MEIOB: variants seen among roughly 807,000 people sequenced by gnomAD.
The protein encoded by MEIOB is meiosis-specific with OB domain-containing protein.
MEIOB carries 50 observed loss-of-function variants against 53.1 expected under a neutral mutation model. The ratio of observed to expected loss-of-function variants is 0.94; its 90% CI spans 0.75 to 1.19. The LOEUF is 1.19. Among genes scored for constraint, MEIOB ranks in the 50% most tolerant of loss-of-function variants. The probability of loss-of-function intolerance (pLI) is 0.00; values close to 1 mark genes in which losing one functional copy is unlikely to be tolerated. For synonymous variants in MEIOB, 192 were observed against 182.5 expected (o/e 1.05, Z -0.42); for missense variants, 551 against 550.8 (o/e 1.00, Z 0.00).
chr16:1,865,719 G>A (rs1378030520), intron 3 of MEIOB, 59 bp downstream of exon 3: 2 of 1,220,834 alleles, frequency 1.6e-6, no homozygotes, highest in East Asian at 2.6e-5. Context: ...AATATACTTT[G>A]TTGTAGTCAT....
chr16:1,853,165 T>C, intron 8 of MEIOB, 31 bp from the exon 9 acceptor site: 1 of 1,579,122 alleles, frequency 6.3e-7, no homozygotes. Context: ...TTAAAATTAT[T>C]ACATGGGAGG....
At chr16:1,857,956 T>C (rs1476256252) in intron 5 of MEIOB, 26 bp from the exon 6 acceptor site, 1 of 1,410,028 alleles carries the variant, frequency 7.1e-7, no homozygotes, top group East Asian at 2.5e-5. Context: ...ACAAGAAAGT[T>C]ATTTGAAAGT....
intron 11 of MEIOB, among the ~76,000 whole-genome samples, chr16:1,840,533 T>C (rs1399278718): frequency 8.4e-6 from 1 of 118,978 alleles, no homozygotes. Context: ...CCACAAGGGA[T>C]CTCTCTTATT....
In MEIOB at chr16:1,848,544, C is replaced by CTTTTTT. The variant is rs749481002; in HGVS notation, c.779-3587_779-3582dup. Among the ~76,000 whole-genome samples the CTTTTTT allele has an allele frequency of 1.7e-4, 22 of 129,714 alleles. 1 individual carries two copies. The highest frequency in any genetic ancestry group is 3.8e-4 in the African/African-American group (13 of 34,624). The allele number at this position is 129,714 out of a possible 152,430, so 85.1% of individuals were successfully genotyped here. ...ATCCCTTCTCCTTTTTTTTTTTTTC[C>CTTTTTT]TTTTTTTTTTTTTTTGGAGACAGAG... On this transcript the variant is annotated intron_variant, in intron 9 of 13. Transcript: ENST00000325962.
chr16:1,840,943 T>A (rs1898890253), intron 11 of MEIOB: 1 of 152,034 alleles, frequency 6.6e-6, no homozygotes, highest in Non-Finnish European at 1.5e-5. Context: ...CTAATAATAT[T>A]ACACATTTCT....
intron 10 of MEIOB, among the ~76,000 whole-genome samples, chr16:1,843,035 C>T (rs1481421548): frequency 1.3e-5 from 2 of 149,620 alleles, no homozygotes; most frequent in Non-Finnish European, 3.0e-5. Flanking sequence ...TGGCTCACGC[C>T]TGTAATCCTA....
chr16:1,844,718 C>A, intron 10 of MEIOB, 144 bp downstream of exon 10: 1 of 515,016 alleles, frequency 1.9e-6, no homozygotes, highest in Non-Finnish European at 3.5e-6. Context: ...GAAAAAGATG[C>A]CCACTATTTT....
At chr16:1,839,508 G>A (rs1434630396) in intron 11 of MEIOB, 70 bp from the exon 12 acceptor site, 2 of 1,390,914 alleles carry the variant, frequency 1.4e-6, no homozygotes, top group Non-Finnish European at 2.0e-6. Context: ...AGCAGAAAAA[G>A]AATTGTCACT....
At chr16:1,835,797 T>A (rs1008551465) in intron 13 of MEIOB, among the ~76,000 whole-genome samples, 1 of 152,166 alleles carries the variant, frequency 6.6e-6, no homozygotes, top group Non-Finnish European at 1.5e-5. Context: ...GAGGTTCATC[T>A]ACAAGCAAAC....
intron 9 of MEIOB, among the ~76,000 whole-genome samples, chr16:1,845,663 T>G (rs1217529080): frequency 6.6e-6 from 1 of 150,614 alleles, no homozygotes; most frequent in African/African-American, 2.4e-5. Flanking sequence ...TATACGTATT[T>G]CTTTACTTAT....
chr16:1,845,673 T>C (rs963502720), intron 9 of MEIOB, among the ~76,000 whole-genome samples: 1 of 146,334 alleles, frequency 6.8e-6, no homozygotes, highest in Non-Finnish European at 1.5e-5. Context: ...TCTTTACTTA[T>C]CATAAAAAAA....
intron 2 of MEIOB, 88 bp from the exon 3 acceptor site, chr16:1,865,923 G>T: frequency 1.2e-6 from 1 of 840,836 alleles, no homozygotes; most frequent in Non-Finnish European, 1.8e-6. Context: ...TACTTTACTG[G>T]CTCTAACAAA....
chr16:1,847,281 G>A (rs1279376881), intron 9 of MEIOB, among the ~76,000 whole-genome samples: 1 of 152,016 alleles, frequency 6.6e-6, no homozygotes, highest in Non-Finnish European at 1.5e-5. Flanking sequence ...GGCCAACATT[G>A]TGAAACCCCG....
At chr16:1,836,306 C>A (rs1398336255) in intron 13 of MEIOB, among the ~76,000 whole-genome samples, 2 of 152,186 alleles carry the variant, frequency 1.3e-5, no homozygotes, top group East Asian at 1.9e-4. Context: ...ACATCTGTTA[C>A]ACACATTCTC....
intron 7 of MEIOB, 38 bp downstream of exon 7, chr16:1,854,062 C>G: frequency 8.3e-7 from 1 of 1,207,104 alleles, no homozygotes; most frequent in Non-Finnish European, 1.2e-6. Context: ...GTGATAACTA[C>G]AGGGATTTCA....
intron 3 of MEIOB, among the ~76,000 whole-genome samples, chr16:1,863,668 C>T (rs1272310014): frequency 6.6e-6 from 1 of 151,528 alleles, no homozygotes; most frequent in African/African-American, 2.4e-5. Flanking sequence ...AGCCACCGTG[C>T]CTGATGAGAC....
intron 10 of MEIOB, among the ~76,000 whole-genome samples, chr16:1,842,606 A>G (rs112311350): frequency 0.14 from 19,747 of 138,424 alleles, 1,782 homozygotes; most frequent in South Asian, 0.21. Flanking sequence ...CTGGGCAACA[A>G]GAGCAAAACT....
chr16:1,858,186 G>A (rs188266379), intron 5 of MEIOB, among the ~76,000 whole-genome samples: 68 of 152,238 alleles, frequency 4.5e-4, no homozygotes, highest in Non-Finnish European at 8.2e-4. Context: ...AAGACTCTGC[G>A]CTTGTTTCCT....
intron 9 of MEIOB, among the ~76,000 whole-genome samples, chr16:1,847,610 G>A (rs2142084555): frequency 6.6e-6 from 1 of 151,902 alleles, no homozygotes; most frequent in South Asian, 2.1e-4. Flanking sequence ...GAGGGGAGGG[G>A]AGGGGAGGGG....
Sources: gnomAD v4.1 joint callset for allele counts (sites outside exome capture counted in the v4.1 genomes callset) on GRCh38, gnomAD v4.1.1 for gene constraint, MANE v1.5 for transcripts, NCBI Gene and HGNC (gene_info 2026-07-23, HGNC 2026-07-21) for gene names.